The following AMBRA1 variants were observed in gnomAD, a reference collection of about 807,000 sequenced individuals.
AMBRA1 encodes the protein activating molecule in BECN1-regulated autophagy protein 1.
AMBRA1 carries 47 observed loss-of-function variants against 125.4 expected under a neutral mutation model. The ratio of observed to expected loss-of-function variants is 0.37; its 90% CI spans 0.30 to 0.48. The LOEUF (loss-of-function observed/expected upper bound fraction) is 0.48, where lower values mean the gene tolerates loss of function less well. Ranked by LOEUF, AMBRA1 falls within the 20% of genes least tolerant of loss-of-function variation. The pLI, the probability that AMBRA1 is intolerant of heterozygous loss-of-function variation, is 0.99. For missense variants in AMBRA1, 1,331 were observed against 1,693.4 expected (o/e 0.79, Z 3.76); for synonymous variants, 626 against 655.5 (o/e 0.95, Z 0.69).
At chr11:46,488,670 A>C (rs1303196281) in intron 11 of AMBRA1, among the ~76,000 whole-genome samples, 1 of 152,190 alleles carries the variant, frequency 6.6e-6, no homozygotes, top group Non-Finnish European at 1.5e-5. Flanking sequence ...CCTCAAGCAC[A>C]TGGGTAACAC....
chr11:46,584,614 T>A (rs954019567), intron 1 of AMBRA1, among the ~76,000 whole-genome samples: 4 of 152,076 alleles, frequency 2.6e-5, no homozygotes, highest in East Asian at 1.9e-4. Flanking sequence ...ATTTTTTTTT[T>A]AATTTTTCTG....
chr11:46,478,944 A>G (rs1016474706), intron 11 of AMBRA1, among the ~76,000 whole-genome samples: 1 of 152,224 alleles, frequency 6.6e-6, no homozygotes, highest in Non-Finnish European at 1.5e-5. Context: ...CACGCCAGTA[A>G]TCCTAACACT....
intron 11 of AMBRA1, among the ~76,000 whole-genome samples, chr11:46,489,630 A>C (rs1024180191): frequency 6.6e-6 from 1 of 152,190 alleles, no homozygotes; most frequent in African/African-American, 2.4e-5. Flanking sequence ...TATCAGGTCC[A>C]CATCTGCTAG....
chr11:46,479,675 C>T (rs1055643080), intron 11 of AMBRA1, among the ~76,000 whole-genome samples: 5 of 152,022 alleles, frequency 3.3e-5, no homozygotes, highest in Non-Finnish European at 7.4e-5. Context: ...CCAGCCTGGG[C>T]GACAGAGCGA....
chr11:46,507,213 G>A (rs1480263261), intron 9 of AMBRA1, among the ~76,000 whole-genome samples: 1 of 136,694 alleles, frequency 7.3e-6, no homozygotes, highest in East Asian at 2.3e-4. Context: ...GGCACGGTGG[G>A]TCACGCCTGT....
chr11:46,572,669 A>G (rs1463751019), intron 1 of AMBRA1, among the ~76,000 whole-genome samples: 1 of 152,154 alleles, frequency 6.6e-6, no homozygotes, highest in Non-Finnish European at 1.5e-5. Flanking sequence ...TCATCTTGAC[A>G]ATCAGCTAGT....
intron 5 of AMBRA1, among the ~76,000 whole-genome samples, chr11:46,545,161 C>CGGGGGGGGGGGG (rs59510298): frequency 3.0e-5 from 1 of 33,752 alleles, no homozygotes; most frequent in Non-Finnish European, 5.1e-5. Context: ...AAAAAAAAGC[C>CGGGGGGGGGGGG]GGGGGGGGGG....
rs553040136 is a variant in AMBRA1, at chr11:46,400,473, G to GTTTTTTTTTTTTTTTT, written c.3404-2546_3404-2531dup. 7.2e-4 allele frequency among the ~76,000 whole-genome samples: 35 copies of GTTTTTTTTTTTTTTTT among 48,890 alleles called. 13 individuals carry two copies. Among genetic ancestry groups the GTTTTTTTTTTTTTTTT allele is most frequent in the East Asian group, 1.0e-3 (1 of 986 alleles). 32.1% of individuals were successfully genotyped at this position (48,890 alleles called of 152,430 possible). On this transcript the variant is annotated intron_variant, in intron 17 of 17. Transcript: ENST00000683756. ...CCTCATGCTTCTAGTTCTTTCTATA[G>GTTTTTTTTTTTTTTTT]TTTTTTTTTTTTTTTTTTTTTTTTT...
intron 9 of AMBRA1, among the ~76,000 whole-genome samples, chr11:46,502,308 C>G (rs573107070): frequency 6.6e-6 from 1 of 152,228 alleles, no homozygotes; most frequent in African/African-American, 2.4e-5. Context: ...TGGCTGATTC[C>G]TAACTGCTTT....
chr11:46,591,814 A>C (rs1374558351), intron 1 of AMBRA1, among the ~76,000 whole-genome samples: 1 of 151,504 alleles, frequency 6.6e-6, no homozygotes, highest in Non-Finnish European at 1.5e-5. Flanking sequence ...CCGAGATCGC[A>C]CCACTGCACT....
chr11:46,547,424 T>G, intron 3 of AMBRA1, 128 bp from the exon 4 acceptor site: 1 of 800,248 alleles, frequency 1.2e-6, no homozygotes, highest in Non-Finnish European at 1.9e-6. Flanking sequence ...AAGCTTTGTA[T>G]GTTAGGCAGT....
intron 8 of AMBRA1, among the ~76,000 whole-genome samples, chr11:46,511,194 C>G (rs1951244153): frequency 6.6e-5 from 10 of 152,186 alleles, no homozygotes; most frequent in Admixed American, 6.5e-4. Flanking sequence ...AAGAACTTCT[C>G]TATCTCAGTG....
chr11:46,434,633 C>G (rs566491728), intron 13 of AMBRA1, among the ~76,000 whole-genome samples: 3 of 152,210 alleles, frequency 2.0e-5, no homozygotes, highest in Admixed American at 6.5e-5. Context: ...TCCTGACCGT[C>G]GTAACAGGGG....
intron 6 of AMBRA1, 77 bp downstream of exon 6, chr11:46,543,898 A>G: frequency 8.3e-7 from 1 of 1,200,686 alleles, no homozygotes; most frequent in Non-Finnish European, 1.2e-6. Context: ...TTAAAATCCA[A>G]TATAATCAGA....
chr11:46,469,912 G>A (rs922183834), intron 11 of AMBRA1, among the ~76,000 whole-genome samples: 7 of 149,562 alleles, frequency 4.7e-5, no homozygotes, highest in East Asian at 3.9e-4. Flanking sequence ...TCCTGGCCTC[G>A]GGCAATCCTC....
chr11:46,523,059 ATC>A (rs2135100400), intron 7 of AMBRA1, among the ~76,000 whole-genome samples: 1 of 152,326 alleles, frequency 6.6e-6, no homozygotes, highest in East Asian at 1.9e-4. Context: ...CCCAGCTCAT[ATC>A]TGTCCATGGA....
intron 9 of AMBRA1, among the ~76,000 whole-genome samples, chr11:46,501,266 T>C (rs1371490071): frequency 6.6e-6 from 1 of 152,238 alleles, no homozygotes; most frequent in Non-Finnish European, 1.5e-5. Flanking sequence ...GGGTTTTCTC[T>C]GGGCATTCCA....
At chr11:46,483,269 C>G (rs1239291129) in intron 11 of AMBRA1, among the ~76,000 whole-genome samples, 1 of 152,098 alleles carries the variant, frequency 6.6e-6, no homozygotes, top group East Asian at 1.9e-4. Context: ...AACAGCTACC[C>G]AAAAGAAATA....
chr11:46,555,090 A>C (rs2043125247), intron 1 of AMBRA1, among the ~76,000 whole-genome samples: 1 of 152,072 alleles, frequency 6.6e-6, no homozygotes. Flanking sequence ...ACAAACAAAC[A>C]AACAAAAAGA....
Sources: allele counts gnomAD v4.1 joint callset (sites outside exome capture counted in the v4.1 genomes callset), GRCh38; gene constraint gnomAD v4.1.1; transcripts MANE v1.5; gene names NCBI Gene and HGNC (gene_info 2026-07-23, HGNC 2026-07-21).